Variants in APBB2 observed in about 807,000 individuals in gnomAD.
APBB2 encodes the protein Fe65-like 1.
A neutral mutation model predicts 82.5 loss-of-function variants in APBB2; 38 were observed. The observed-to-expected ratio is 0.46, with a 90% CI of 0.36 to 0.60. The LOEUF is 0.60. Among genes scored for constraint, APBB2 ranks in the 20% least tolerant of loss-of-function variants. APBB2 has a pLI of 0.00. For synonymous variants in APBB2, 341 were observed against 368.2 expected, an observed-to-expected ratio of 0.93 and a Z score of 0.85; for missense variants, 772 against 972.3, an observed-to-expected ratio of 0.79 and a Z score of 2.74.
intron 2 of APBB2, among the ~76,000 whole-genome samples, chr4:41,109,595 C>T (rs189818748): frequency 1.4e-4 from 21 of 152,212 alleles, no homozygotes; most frequent in African/African-American, 5.1e-4. Flanking sequence ...CTCAGCCTCC[C>T]GAGTAGCCGG....
intron 1 of APBB2, among the ~76,000 whole-genome samples, chr4:41,165,610 G>A (rs1003060518): frequency 6.6e-6 from 1 of 152,062 alleles, no homozygotes; most frequent in African/African-American, 2.4e-5. Flanking sequence ...TATGTGCTTA[G>A]CAATTCCAGA....
intron 4 of APBB2, among the ~76,000 whole-genome samples, chr4:41,050,574 C>T (rs1725577487): frequency 6.6e-6 from 1 of 152,220 alleles, no homozygotes; most frequent in Admixed American, 6.5e-5. Context: ...ACGTCACCTG[C>T]AAGTTGCCAA....
chr4:41,090,168 C>T (rs112857778), intron 3 of APBB2, among the ~76,000 whole-genome samples: 6 of 152,220 alleles, frequency 3.9e-5, no homozygotes, highest in African/African-American at 1.4e-4. Context: ...TTAACATTTC[C>T]CCTCCAGTCG....
chr4:41,207,595 T>A (rs1778289089), intron 1 of APBB2, among the ~76,000 whole-genome samples: 1 of 152,218 alleles, frequency 6.6e-6, no homozygotes, highest in South Asian at 2.1e-4. Context: ...CCCTCATCTT[T>A]CATCTTGGTG....
At chr4:40,898,652 G>C (rs1000793341) in intron 10 of APBB2, among the ~76,000 whole-genome samples, 1 of 152,032 alleles carries the variant, frequency 6.6e-6, no homozygotes, top group Non-Finnish European at 1.5e-5. Context: ...GCCAAAGCCA[G>C]CACGTGGAGA....
chr4:40,970,380 A>T (rs560644260), intron 6 of APBB2, among the ~76,000 whole-genome samples: 1 of 151,548 alleles, frequency 6.6e-6, no homozygotes, highest in Admixed American at 6.6e-5. Flanking sequence ...TTTCAATCTC[A>T]TTTTTTTTCT....
intron 1 of APBB2, among the ~76,000 whole-genome samples, chr4:41,193,224 C>G (rs1407621933): frequency 6.6e-6 from 1 of 152,094 alleles, no homozygotes; most frequent in Non-Finnish European, 1.5e-5. Flanking sequence ...TTTTTGTCCA[C>G]CAACTAACTT....
At chr4:41,034,623 C>A (rs75585458) in intron 4 of APBB2, among the ~76,000 whole-genome samples, 3,073 of 152,238 alleles carry the variant, frequency 0.02, 47 homozygotes, top group Non-Finnish European at 0.031. Context: ...CGACACCTGG[C>A]CAAAAAGGGT....
intron 7 of APBB2, among the ~76,000 whole-genome samples, chr4:40,944,568 ACTGCCTCAGTGAGCC>A: frequency 6.6e-6 from 1 of 152,212 alleles, no homozygotes; most frequent in Non-Finnish European, 1.5e-5. Context: ...AGAGTAAAGT[ACTGCCTCAGTGAGCC>A]CTAGGGAATC....
At chr4:41,000,595 C>T (rs906933939) in intron 6 of APBB2, among the ~76,000 whole-genome samples, 1 of 152,108 alleles carries the variant, frequency 6.6e-6, no homozygotes, top group African/African-American at 2.4e-5. Context: ...AAGAAGGAAC[C>T]CATGAGTTCC....
chr4:41,213,527 T>C (rs1279131674), intron 1 of APBB2, among the ~76,000 whole-genome samples: 1 of 152,212 alleles, frequency 6.6e-6, no homozygotes, highest in East Asian at 1.9e-4. Context: ...TTTTTTTGAA[T>C]TCTAGTCCCA....
intron 4 of APBB2, among the ~76,000 whole-genome samples, chr4:41,034,533 C>T (rs558980899): frequency 1.3e-5 from 2 of 152,292 alleles, no homozygotes; most frequent in East Asian, 3.9e-4. Flanking sequence ...CCATGTTGAC[C>T]AGGTTGGTCT....
At chr4:41,180,585 C>T (rs990045291) in intron 1 of APBB2, among the ~76,000 whole-genome samples, 6 of 152,094 alleles carry the variant, frequency 3.9e-5, no homozygotes, top group African/African-American at 1.4e-4. Context: ...GAGGTCGAGG[C>T]TGCAGTGAGC....
At position 40,857,469 on chromosome 4, in the gene APBB2, GTTTCT is replaced by G. The variant is rs150196496; in HGVS notation, c.1530-26897_1530-26893del. On this transcript the variant is annotated intron_variant, in intron 12 of 17. Coordinates refer to ENST00000508593, the MANE Select transcript of APBB2 (RefSeq NM_004307.2). The stretch of plus-strand genomic sequence containing the variant: ...ATGCTCTAGGCCTGCTGGGTTTCTG[GTTTCT>G]TTTCTTTTCTTCTTGAGACAGAGTC... Among the ~76,000 whole-genome samples the G allele has an allele frequency of 3.4e-3, 512 of 152,044 alleles. 14 individuals carry two copies. The East Asian group carries it at 0.072, about 21-fold the overall frequency.
chr4:40,857,046 G>C (rs1015301600), intron 12 of APBB2: 2 of 985,436 alleles, frequency 2.0e-6, no homozygotes, highest in African/African-American at 3.5e-5. Flanking sequence ...CGGTCCTTCC[G>C]AAGTCGGGCG....
chr4:40,928,054 A>C (rs927970033), intron 10 of APBB2, among the ~76,000 whole-genome samples: 2 of 152,220 alleles, frequency 1.3e-5, no homozygotes, highest in African/African-American at 4.8e-5. Context: ...GGTGATGGGG[A>C]TTGAGAAGTG....
intron 2 of APBB2, among the ~76,000 whole-genome samples, chr4:41,133,818 A>T (rs1756768292): frequency 6.6e-6 from 1 of 152,132 alleles, no homozygotes; most frequent in Non-Finnish European, 1.5e-5. Context: ...GGAAGCCAGG[A>T]ATGTCCAAGG....
intron 1 of APBB2, among the ~76,000 whole-genome samples, chr4:41,171,994 G>C (rs1768408708): frequency 1.3e-5 from 2 of 152,180 alleles, no homozygotes; most frequent in South Asian, 4.1e-4. Context: ...CAGCTAATCG[G>C]GAGGCTAAGG....
At chr4:40,871,058 T>C (rs1417656703) in intron 12 of APBB2, among the ~76,000 whole-genome samples, 1 of 151,918 alleles carries the variant, frequency 6.6e-6, no homozygotes. Context: ...TGACTGGATT[T>C]AGGTCCCACT....
Sources: allele counts gnomAD v4.1 joint callset (sites outside exome capture counted in the v4.1 genomes callset), GRCh38; gene constraint gnomAD v4.1.1; transcripts MANE v1.5; gene names NCBI Gene and HGNC (gene_info 2026-07-23, HGNC 2026-07-21).